Variants in PHKA2 observed in about 807,000 individuals in gnomAD.
The protein encoded by PHKA2 is phosphorylase kinase regulatory subunit alpha 2, also known as phosphorylase b kinase regulatory subunit alpha, liver isoform.
Under a neutral mutation model 102.0 loss-of-function variants are expected in PHKA2, and 31 were observed. That is an observed-to-expected ratio of 0.30 (90% CI 0.23 to 0.41). The LOEUF is 0.41. Ranked by LOEUF, PHKA2 falls within the 10% of genes least tolerant of loss-of-function variation. PHKA2 has a pLI of 1.00. For synonymous variants in PHKA2, 455 were observed against 416.2 expected, an observed-to-expected ratio of 1.09 and a Z score of -1.13; for missense variants, 858 against 1,023.1, an observed-to-expected ratio of 0.84 and a Z score of 2.20.
chrX:18,964,122 G>GCCTGATCA (rs770661371), intron 1 of PHKA2, among the ~76,000 whole-genome samples: 3 of 111,303 alleles, frequency 2.7e-5, no homozygotes, highest in South Asian at 3.8e-4. Flanking sequence ...CTCACATCCA[G>GCCTGATCA]CCTGATCACC....
intron 28 of PHKA2, among the ~76,000 whole-genome samples, chrX:18,899,928 C>T (rs146968693): frequency 6.3e-5 from 7 of 111,812 alleles, no homozygotes; most frequent in Admixed American, 2.8e-4. Flanking sequence ...ACTTCATCCC[C>T]GTAACACGCA....
rs748730219 is a variant in PHKA2 at position 18,917,435 on chromosome X, T to C, written c.2137+1246A>G. On this transcript the variant is annotated intron_variant, in intron 19 of 32. Coordinates refer to ENST00000379942, the MANE Select transcript of PHKA2 (RefSeq NM_000292.3). ...CACCAAACCTGGCTCATTTCTGTAT[T>C]TTTAGTACAGACAGCGTTTCACCAT... Among the ~76,000 whole-genome samples, 5 of 109,053 alleles carry C rather than the reference T, an allele frequency of 4.6e-5. No homozygotes were observed. In the Admixed American group the frequency reaches 5.0e-4, roughly 11 times the overall value. 94.7% of individuals were successfully genotyped at this position (109,053 alleles called of 115,157 possible). A position where few individuals can be genotyped will look rare whatever the true frequency, so the allele number is the denominator to read the frequency against.
intron 20 of PHKA2, among the ~76,000 whole-genome samples, chrX:18,910,234 C>T (rs1478282728): frequency 8.9e-6 from 1 of 112,545 alleles, no homozygotes; most frequent in Non-Finnish European, 1.9e-5. Context: ...AATCCCAGCA[C>T]TTTGGGAGGC....
At chrX:18,983,527 C>T (rs763439255) in intron 1 of PHKA2, among the ~76,000 whole-genome samples, 6 of 111,986 alleles carry the variant, frequency 5.4e-5, no homozygotes, top group Non-Finnish European at 1.1e-4. Flanking sequence ...GTAGTCTGTC[C>T]AAACCCCCCA....
chrX:18,916,111 T>C (rs1166308359), intron 19 of PHKA2, among the ~76,000 whole-genome samples: 1 of 111,999 alleles, frequency 8.9e-6, no homozygotes, highest in Admixed American at 9.4e-5. Context: ...AGCTCATATT[T>C]GAAGTATCAA....
rs777741653 is a variant in PHKA2, at chrX:18,918,759, G to C, written c.2059C>G (p.Arg687Gly). ...GAGTGGATAGCACTGAAGACATGGC[G>C]GTCTTCTGTGTTCTTACAAAGAGGA... ...LPPLCKNTED[R>G]HVFSAIHSTR... Residue 687 changes from arginine to glycine, a missense_variant, in exon 19 of 33, where the codon CGC becomes GGC. Around this residue, in one of 2 missense-constraint regions of PHKA2, gnomAD observed 671 missense variants for 745.2 expected, o/e 0.90. Coordinates refer to ENST00000379942, the MANE Select transcript of PHKA2 (RefSeq NM_000292.3). The C allele has an allele frequency of 1.7e-6, 2 of 1,205,515 alleles. No individual in the cohort carries two copies. Among genetic ancestry groups the C allele is most frequent in the South Asian group, 3.5e-5 (2 of 56,833 alleles).
chrX:18,936,799 C>A (rs983834443), intron 10 of PHKA2, among the ~76,000 whole-genome samples: 2 of 112,137 alleles, frequency 1.8e-5, no homozygotes, highest in Non-Finnish European at 3.8e-5. Context: ...AAAAAGTTGA[C>A]CCCATATTAA....
At chrX:18,941,716 C>G (rs774785121) in intron 7 of PHKA2, 41 bp from the exon 8 acceptor site, 23 of 983,487 alleles carry the variant, frequency 2.3e-5, no homozygotes, top group Non-Finnish European at 3.2e-5. Context: ...TGGAGATGCG[C>G]TAATAGGCGC....
rs777665029 is a variant in PHKA2 at position 18,897,212 on chromosome X, T to C, written c.3233A>G (p.Asn1078Ser). ...CTGGTAGAATCCCACGGGGACCCTG[T>C]TGATGGCCCCATCCAGCCTTCTCCT... ...LRRRRLDGAI[N>S]RVPVGFYQRV... Residue 1078 changes from asparagine (N) to serine (S), a missense_variant, in exon 30 of 33, where the codon AAC (asparagine) becomes AGC (serine). Physicochemically the swap from Asn to Ser is conservative, Grantham distance 46. This residue lies in a region of PHKA2 where 671 missense variants were observed against 745.2 expected (regional missense o/e 0.90). Coordinates refer to ENST00000379942, the MANE Select transcript of PHKA2 (RefSeq NM_000292.3). 8.3e-7 allele frequency: 1 copy of C among 1,209,631 alleles called. No individual in the cohort carries two copies. Among genetic ancestry groups the C allele is most frequent in the African/African-American group, 1.7e-5 (1 of 57,233 alleles).
intron 12 of PHKA2, among the ~76,000 whole-genome samples, chrX:18,930,399 C>A (rs193112491): frequency 8.1e-4 from 90 of 110,966 alleles, no homozygotes; most frequent in African/African-American, 3.0e-3. Flanking sequence ...ATGACACGAA[C>A]CCCGAGAGAG....
In PHKA2 at chrX:18,984,094, C is replaced by T. The variant is rs1054473043; in HGVS notation, c.-162G>A. 2 of 482,431 alleles carry T rather than the reference C, an allele frequency of 4.1e-6. No homozygotes were observed. Among genetic ancestry groups the T allele is most frequent in the South Asian group, 5.7e-5 (2 of 34,943 alleles). The allele number at this position is 482,431 out of a possible 1,213,427, so 39.8% of individuals were successfully genotyped here. ...GGTCGAGACTTTTCTAAACGCTAGC[C>T]CCAAAGTCCGGTTGGAAAGCAAGCC... On this transcript the variant is annotated 5_prime_UTR_variant, in exon 1 of 33. Transcript: ENST00000379942.
chrX:18,965,004 G>A (rs1157172683), intron 1 of PHKA2, among the ~76,000 whole-genome samples: 3 of 112,316 alleles, frequency 2.7e-5, no homozygotes, highest in South Asian at 3.7e-4. Flanking sequence ...GTCCTGGTCC[G>A]AGGTATTTGC....
chrX:18,910,674 G>A (rs1055352768), intron 20 of PHKA2, among the ~76,000 whole-genome samples, 198 bp downstream of exon 20: 11 of 111,873 alleles, frequency 9.8e-5, no homozygotes, highest in South Asian at 3.7e-4. Context: ...CAAATTCAAT[G>A]TACATATTGA....
intron 1 of PHKA2, among the ~76,000 whole-genome samples, chrX:18,966,747 T>C (rs2048950565): frequency 9.0e-6 from 1 of 111,672 alleles, no homozygotes; most frequent in Non-Finnish European, 1.9e-5. Flanking sequence ...TGTCAGCCAG[T>C]CCCTGTCTAA....
intron 1 of PHKA2, among the ~76,000 whole-genome samples, chrX:18,960,391 T>C (rs1458015093): frequency 1.8e-5 from 2 of 111,844 alleles, no homozygotes; most frequent in East Asian, 5.6e-4. Context: ...AGAGGTTTAG[T>C]TGGCTCATGG....
At chrX:18,895,335 T>C (rs2047523259) in intron 30 of PHKA2, 144 bp from the exon 31 acceptor site, 4 of 552,202 alleles carry the variant, frequency 7.2e-6, no homozygotes, top group Non-Finnish European at 1.3e-5. Context: ...GTCAGAGTTA[T>C]TTTTAGAGAG....
In PHKA2 at chrX:18,895,000, G is replaced by A; in HGVS notation, c.3336+138C>T. ...ATTTTTGCCAAATATGAGGGTGAAG[G>A]GGCTAGACAGCTCAGAGCTACAAAT... On this transcript the variant is annotated intron_variant, in intron 31 of 32. Transcript: ENST00000379942. 5 of 624,313 alleles carry A rather than the reference G, an allele frequency of 8.0e-6. No homozygotes were observed. In the Admixed American group the frequency reaches 1.1e-4, roughly 14 times the overall value. 51.5% of individuals were successfully genotyped at this position (624,313 alleles called of 1,213,427 possible).
chrX:18,951,328 G>T (rs1231210463), intron 3 of PHKA2, 56 bp from the exon 4 acceptor site: 44 of 1,132,296 alleles, frequency 3.9e-5, no homozygotes, highest in Non-Finnish European at 5.0e-5. Context: ...GGCTGGCAGA[G>T]ATCACGGCCA....
In PHKA2 at chrX:18,892,338, T is replaced by G. The variant is rs2047439211; in HGVS notation, c.*1147A>C. On this transcript the variant is annotated 3_prime_UTR_variant, in exon 33 of 33. Transcript: ENST00000379942. ...CAAGGTTTATTATTTACAGAAACTG[T>G]TTTCCCATTGGTTTTGTTTCCTTCC... 3 of 112,606 alleles carry G rather than the reference T, an allele frequency of 2.7e-5. No homozygotes were observed. Among genetic ancestry groups the G allele is most frequent in the African/African-American group, 9.7e-5 (3 of 30,991 alleles). 9.3% of individuals were successfully genotyped at this position (112,606 alleles called of 1,213,427 possible).
Sources: gnomAD v4.1 joint callset for allele counts (sites outside exome capture counted in the v4.1 genomes callset) on GRCh38, gnomAD v4.1.1 for gene constraint, gnomAD v4.1.1 regional missense constraint, MANE v1.5 for transcripts, NCBI Gene and HGNC (gene_info 2026-07-23, HGNC 2026-07-21) for gene names.